Variants in DPP6 observed in about 807,000 individuals in gnomAD.
DPP6 encodes dipeptidyl peptidase like 6.
DPP6 carries 69 observed loss-of-function variants against 122.6 expected under a neutral mutation model. That is an observed-to-expected ratio of 0.56 (90% CI 0.46 to 0.69). The LOEUF is 0.69. Among genes scored for constraint, DPP6 ranks in the 30% least tolerant of loss-of-function variants. The pLI, the probability that DPP6 is intolerant of heterozygous loss-of-function variation, is 0.00. For synonymous variants in DPP6, 418 were observed against 433.1 expected (o/e 0.97, Z 0.43); for missense variants, 928 against 1,116.9 (o/e 0.83, Z 2.41).
intron 1 of DPP6, among the ~76,000 whole-genome samples, chr7:154,404,332 G>C (rs985464570): frequency 6.6e-6 from 1 of 152,178 alleles, no homozygotes; most frequent in Non-Finnish European, 1.5e-5. Context: ...AGGGACTATT[G>C]TGCTCAAAAG....
chr7:154,608,072 C>T (rs1833667281), intron 5 of DPP6, among the ~76,000 whole-genome samples: 2 of 138,304 alleles, frequency 1.4e-5, no homozygotes, highest in African/African-American at 2.5e-5. Flanking sequence ...CTCCGCCTCC[C>T]AGGTTCAAGC....
chr7:154,716,534 C>A (rs1841494061), intron 7 of DPP6, among the ~76,000 whole-genome samples: 2 of 152,168 alleles, frequency 1.3e-5, no homozygotes, highest in Admixed American at 1.3e-4. Flanking sequence ...TCACCCCCAG[C>A]TATAGTTTAC....
At chr7:154,211,417 C>A (rs1465159680) in intron 1 of DPP6, among the ~76,000 whole-genome samples, 1 of 152,160 alleles carries the variant, frequency 6.6e-6, no homozygotes, top group South Asian at 2.1e-4. Context: ...CCCCTCACGT[C>A]CATCTCCATG....
At chr7:154,106,185 GTTAC>G (rs1806149407) in intron 1 of DPP6, among the ~76,000 whole-genome samples, 1 of 144,756 alleles carries the variant, frequency 6.9e-6, no homozygotes, top group South Asian at 2.3e-4. Flanking sequence ...CCCAGGCTCC[GTTAC>G]TTCCTTCTTT....
At chr7:153,974,194 C>T (rs1456734293) in intron 1 of DPP6, among the ~76,000 whole-genome samples, 1 of 152,128 alleles carries the variant, frequency 6.6e-6, no homozygotes, top group Non-Finnish European at 1.5e-5. Context: ...GGATGGCATC[C>T]TTGATGGGGT....
At chr7:154,165,577 G>A (rs555019195) in intron 1 of DPP6, among the ~76,000 whole-genome samples, 4 of 151,380 alleles carry the variant, frequency 2.6e-5, no homozygotes, top group East Asian at 1.9e-4. Flanking sequence ...CTGAGGAATC[G>A]CCACACTGAC....
chr7:154,694,379 AGGTG>A (rs1237738142), intron 7 of DPP6, among the ~76,000 whole-genome samples: 8 of 152,118 alleles, frequency 5.3e-5, no homozygotes, highest in African/African-American at 1.9e-4. Context: ...TGGGAGGCCG[AGGTG>A]GGTGGATCGC....
At chr7:154,365,972 A>G (rs111776892) in intron 1 of DPP6, among the ~76,000 whole-genome samples, 23 of 149,346 alleles carry the variant, frequency 1.5e-4, no homozygotes, top group Admixed American at 5.3e-4. Context: ...AAAAAAAAAA[A>G]AAAAAAAGTG....
At chr7:154,870,186 T>C (rs1244735356) in intron 18 of DPP6, among the ~76,000 whole-genome samples, 3 of 146,798 alleles carry the variant, frequency 2.0e-5, no homozygotes, top group African/African-American at 7.6e-5. Flanking sequence ...GGTCTCACTA[T>C]GTTGCCCAAA....
At chr7:154,215,638 G>C (rs1449335766) in intron 1 of DPP6, among the ~76,000 whole-genome samples, 1 of 152,156 alleles carries the variant, frequency 6.6e-6, no homozygotes, top group Non-Finnish European at 1.5e-5. Context: ...CTATGCAAAA[G>C]TGTGGTGTCT....
At chr7:153,901,864 T>G (rs1799651269) in intron 1 of DPP6, among the ~76,000 whole-genome samples, 1 of 152,246 alleles carries the variant, frequency 6.6e-6, no homozygotes, top group Admixed American at 6.5e-5. Context: ...TGCATTTCTT[T>G]CCTTCTTTCT....
chr7:154,813,975 G>A (rs1382036537), intron 16 of DPP6, among the ~76,000 whole-genome samples: 2 of 138,682 alleles, frequency 1.4e-5, no homozygotes, highest in Non-Finnish European at 3.0e-5. Flanking sequence ...CCGCCTCCCA[G>A]GTTCAAGCAA....
chr7:153,833,379 A>C, the DPP6 span, among the ~76,000 whole-genome samples: 2 of 152,218 alleles, frequency 1.3e-5, no homozygotes, highest in Admixed American at 6.5e-5. Context: ...GAAACAATAA[A>C]AAGGGAGAAG....
rs531113233 is a variant in DPP6, at chr7:154,438,174, A to T, written c.244-8040A>T. ...TAGTTTAAGTAAAATGGAAAATGAA[A>T]TATCTCCTAAAGGCTGGGCACTGTG... On this transcript the variant is annotated intron_variant, in intron 1 of 25. Transcript: ENST00000377770. 6.6e-5 allele frequency among the ~76,000 whole-genome samples: 10 copies of T among 152,182 alleles called. No homozygotes were observed. In the South Asian group the frequency reaches 1.9e-3, roughly 28 times the overall value.
intron 21 of DPP6, chr7:154,884,701 AGG>A (rs1805970433): frequency 2.9e-5 from 2 of 70,164 alleles, no homozygotes; most frequent in East Asian, 7.6e-4. Context: ...ATGATCACAC[AGG>A]CACACATGAT....
intron 16 of DPP6, among the ~76,000 whole-genome samples, chr7:154,849,774 C>T (rs1024846165): frequency 6.6e-6 from 1 of 152,172 alleles, no homozygotes; most frequent in Non-Finnish European, 1.5e-5. Flanking sequence ...TCAGCTTCAC[C>T]ATGGATTTTG....
At chr7:153,845,747 G>C in the DPP6 span, among the ~76,000 whole-genome samples, 3 of 151,976 alleles carry the variant, frequency 2.0e-5, no homozygotes, top group Non-Finnish European at 4.4e-5. Flanking sequence ...TGTGGTTACG[G>C]TAGGCATTTT....
At chr7:154,608,397 A>T in intron 5 of DPP6, among the ~76,000 whole-genome samples, 1 of 144,426 alleles carries the variant, frequency 6.9e-6, no homozygotes. Context: ...GCGCAATCTC[A>T]GCTCACTGCA....
chr7:154,596,564 CA>C (rs540732545), intron 5 of DPP6, among the ~76,000 whole-genome samples: 7 of 147,532 alleles, frequency 4.7e-5, no homozygotes, highest in East Asian at 3.9e-4. Flanking sequence ...CAGAAACTTC[CA>C]AAAAAAAAAG....
Sources: gnomAD v4.1 joint callset for allele counts (sites outside exome capture counted in the v4.1 genomes callset) on GRCh38, gnomAD v4.1.1 for gene constraint, MANE v1.5 for transcripts, NCBI Gene and HGNC (gene_info 2026-07-23, HGNC 2026-07-21) for gene names.